CDC42BPA: variants seen among roughly 807,000 people sequenced by gnomAD.
CDC42BPA encodes serine/threonine-protein kinase MRCK alpha.
CDC42BPA carries 80 observed loss-of-function variants against 223.5 expected under a neutral mutation model. That is an observed-to-expected ratio of 0.36 (90% CI 0.30 to 0.43). The LOEUF (loss-of-function observed/expected upper bound fraction) is 0.43, where lower values mean the gene tolerates loss of function less well. CDC42BPA is among the 20% of genes least tolerant of loss of function. The pLI, the probability that CDC42BPA is intolerant of heterozygous loss-of-function variation, is 1.00. For missense variants in CDC42BPA, 1,743 were observed against 2,099.9 expected (o/e 0.83, Z 3.32); for synonymous variants, 694 against 718.6 (o/e 0.97, Z 0.55).
At chr1:227,251,803 C>G (rs538563276) in intron 2 of CDC42BPA, among the ~76,000 whole-genome samples, 1 of 152,186 alleles carries the variant, frequency 6.6e-6, no homozygotes, top group East Asian at 1.9e-4. Context: ...CTGATATTTA[C>G]AGAACACTGC....
intron 16 of CDC42BPA, among the ~76,000 whole-genome samples, chr1:227,084,038 T>C (rs559233865): frequency 6.6e-6 from 1 of 152,322 alleles, no homozygotes; most frequent in East Asian, 1.9e-4. Flanking sequence ...GTACTATTCT[T>C]CTCTTTAGGA....
chr1:227,196,621 G>T lies in CDC42BPA; in HGVS notation c.451-2687C>A, dbSNP rs560370255. ...CCCAAAGTGCTGGGATTACAGGCAT[G>T]AGCCACCGTGCCCGGCCCTAAACAA... On this transcript the variant is annotated intron_variant, in intron 4 of 36. Transcript: ENST00000366766. 6.6e-4 allele frequency among the ~76,000 whole-genome samples: 101 copies of T among 152,154 alleles called. 1 individual carries two copies. Among genetic ancestry groups the T allele is most frequent in the African/African-American group, 2.3e-3 (95 of 41,534 alleles).
intron 5 of CDC42BPA, among the ~76,000 whole-genome samples, chr1:227,189,446 A>G (rs1415699773): frequency 6.6e-6 from 1 of 152,184 alleles, no homozygotes; most frequent in Non-Finnish European, 1.5e-5. Flanking sequence ...ATGTTTCCCT[A>G]ATTGCAATGG....
Position 227,029,158 on chromosome 1 carries a change from G to T in CDC42BPA, c.3931C>A (p.His1311Asn). 6.2e-7 allele frequency: 1 copy of T among 1,605,292 alleles called. No individual in the cohort carries two copies. The highest frequency in any genetic ancestry group is 8.5e-7 in the Non-Finnish European group (1 of 1,179,936). ...GCTGACATAGGAAAAAGTCGTACAT[G>T]ACGATTTCGTCCTGAGATCACAGCA... is the stretch of plus-strand genomic sequence containing the variant. ...LVAVISGRNR[H>N]VRLFPMSALD... The change falls in exon 30 of 37, where the codon CAT (histidine) becomes AAT (asparagine). Residue 1311 changes from histidine to asparagine, a missense_variant. His to Asn is a moderately conservative substitution (Grantham distance 68). This residue lies in a region of CDC42BPA where 678 missense variants were observed against 777.5 expected (regional missense o/e 0.87). Coordinates refer to ENST00000366766, the MANE Select transcript of CDC42BPA (RefSeq NM_001394014.1).
chr1:227,196,144 A>C (rs978472777), intron 4 of CDC42BPA, among the ~76,000 whole-genome samples: 2 of 151,998 alleles, frequency 1.3e-5, no homozygotes, highest in African/African-American at 4.8e-5. Context: ...AAAACATCTG[A>C]AAACATGCAA....
chr1:227,143,360 T>C (rs1475740631), intron 8 of CDC42BPA, among the ~76,000 whole-genome samples: 1 of 152,258 alleles, frequency 6.6e-6, no homozygotes, highest in Non-Finnish European at 1.5e-5. Context: ...TATGATCATT[T>C]GTAGACACGT....
intron 7 of CDC42BPA, among the ~76,000 whole-genome samples, chr1:227,146,718 A>G (rs1273314417): frequency 1.3e-5 from 2 of 152,124 alleles, no homozygotes; most frequent in Admixed American, 6.5e-5. Context: ...TTCTGTGATC[A>G]TAAATAACGT....
chr1:227,043,499 C>T (rs1671805637), intron 23 of CDC42BPA, among the ~76,000 whole-genome samples: 1 of 150,856 alleles, frequency 6.6e-6, no homozygotes. Context: ...ATTATAGATT[C>T]ACTTCTCTAT....
intron 11 of CDC42BPA, among the ~76,000 whole-genome samples, chr1:227,122,129 T>A (rs1688768722): frequency 6.6e-6 from 1 of 152,198 alleles, no homozygotes; most frequent in African/African-American, 2.4e-5. Context: ...AAAGTAAATA[T>A]TAATTTACTT....
intron 1 of CDC42BPA, among the ~76,000 whole-genome samples, chr1:227,261,876 A>C (rs1184467461): frequency 6.6e-6 from 1 of 152,146 alleles, no homozygotes; most frequent in Non-Finnish European, 1.5e-5. Flanking sequence ...GCAGCATAAG[A>C]GGAAAACATG....
intron 1 of CDC42BPA, among the ~76,000 whole-genome samples, chr1:227,312,213 C>T (rs185181842): frequency 1.3e-3 from 203 of 152,082 alleles, no homozygotes; most frequent in South Asian, 8.7e-3. Context: ...TCACAACCAG[C>T]AGGAGAAAAA....
intron 2 of CDC42BPA, among the ~76,000 whole-genome samples, chr1:227,229,565 G>T (rs969945672): frequency 2.6e-5 from 4 of 151,970 alleles, no homozygotes; most frequent in Admixed American, 6.6e-5. Context: ...ATTTTTATAG[G>T]GATTGCACTG....
chr1:227,267,765 C>T (rs1685242331), intron 1 of CDC42BPA, among the ~76,000 whole-genome samples: 1 of 152,156 alleles, frequency 6.6e-6, no homozygotes. Context: ...TTAAAACCAT[C>T]AAATCTTGTG....
At chr1:227,047,328 A>C (rs749471053) in intron 23 of CDC42BPA, among the ~76,000 whole-genome samples, 2 of 152,024 alleles carry the variant, frequency 1.3e-5, no homozygotes, top group Admixed American at 6.6e-5. Flanking sequence ...ATCTGGGCAC[A>C]GGTTATTTCA....
chr1:227,026,055 C>T lies in CDC42BPA; in HGVS notation c.4530G>A (p.Lys1510=). The part of the protein sequence containing the change: ...MEWIQTLPLK[K]VRPLNNEGSL... ...AGCCCACATTTTAATGTTAAATTAC[C>T]TTTTTGAGAGGAAGAGTCTGAATCC... The change falls in exon 31 of 37, where the codon AAG becomes AAA. Residue 1510 remains lysine (K), a splice_region_variant and synonymous_variant. Coordinates refer to ENST00000366766, the MANE Select transcript of CDC42BPA (RefSeq NM_001394014.1). The T allele has an allele frequency of 6.4e-7, 1 of 1,550,644 alleles. No individual in the cohort carries two copies. Among genetic ancestry groups the T allele is most frequent in the Non-Finnish European group, 8.9e-7 (1 of 1,129,236 alleles).
intron 1 of CDC42BPA, among the ~76,000 whole-genome samples, chr1:227,256,539 T>G (rs1031711431): frequency 2.0e-5 from 3 of 151,736 alleles, no homozygotes; most frequent in African/African-American, 7.3e-5. Context: ...GAAAAGATAC[T>G]CAACATCACT....
At chr1:227,035,379 T>A in intron 25 of CDC42BPA, 92 bp downstream of exon 25, 1 of 931,924 alleles carries the variant, frequency 1.1e-6, no homozygotes, top group Non-Finnish European at 1.6e-6. Flanking sequence ...TAATTTTCCA[T>A]CAAGAACTAT....
At chr1:227,235,090 T>TG (rs1678750810) in intron 2 of CDC42BPA, 1 of 152,222 alleles carries the variant, frequency 6.6e-6, no homozygotes, top group African/African-American at 2.4e-5. Context: ...GTCCAGCAGA[T>TG]GGAGCCTTCT....
intron 34 of CDC42BPA, among the ~76,000 whole-genome samples, chr1:227,014,737 C>T (rs1472254580): frequency 6.6e-6 from 1 of 152,076 alleles, no homozygotes; most frequent in Non-Finnish European, 1.5e-5. Flanking sequence ...CAAATCATCT[C>T]CCAAATGGCC....
Sources: gnomAD v4.1 joint callset for allele counts (sites outside exome capture counted in the v4.1 genomes callset) on GRCh38, gnomAD v4.1.1 for gene constraint, gnomAD v4.1.1 regional missense constraint, MANE v1.5 for transcripts, NCBI Gene and HGNC (gene_info 2026-07-23, HGNC 2026-07-21) for gene names.